ANKFY1: variants seen among roughly 807,000 people sequenced by gnomAD.
The protein encoded by ANKFY1 is ankyrin repeat and FYVE domain-containing protein 1.
In ANKFY1, 47 loss-of-function variants were observed where a neutral mutation model predicts 128.3. That is an observed-to-expected ratio of 0.37 (90% confidence interval 0.29 to 0.47). The LOEUF is 0.47. Ranked by LOEUF, ANKFY1 falls within the 20% of genes least tolerant of loss-of-function variation. ANKFY1 has a pLI of 1.00. For missense variants in ANKFY1, 1,222 were observed against 1,510.6 expected, an observed-to-expected ratio of 0.81 and a Z score of 3.17; for synonymous variants, 553 against 601.6, an observed-to-expected ratio of 0.92 and a Z score of 1.18.
intron 2 of ANKFY1, among the ~76,000 whole-genome samples, chr17:4,238,678 T>C (rs572753384): frequency 2.6e-5 from 4 of 151,808 alleles, no homozygotes; most frequent in African/African-American, 9.7e-5. Flanking sequence ...TTCACCGTGT[T>C]GGTCAGGCTA....
chr17:4,209,728 G>A, intron 5 of ANKFY1, 96 bp downstream of exon 5: 2 of 1,384,558 alleles, frequency 1.4e-6, no homozygotes, highest in Non-Finnish European at 2.0e-6. Flanking sequence ...AGAAAACCAG[G>A]TGCCAGAGAG....
chr17:4,180,607 CA>C (rs1284646167), intron 16 of ANKFY1, among the ~76,000 whole-genome samples: 6 of 143,184 alleles, frequency 4.2e-5, no homozygotes, highest in Admixed American at 7.0e-5. Context: ...ACTAAAAATA[CA>C]AAAAAAAAAT....
intron 10 of ANKFY1, among the ~76,000 whole-genome samples, chr17:4,190,248 C>T (rs2059693817): frequency 6.6e-6 from 1 of 152,068 alleles, no homozygotes; most frequent in African/African-American, 2.4e-5. Flanking sequence ...TGAGATCAGC[C>T]CGGCCGACAT....
At chr17:4,211,921 AAC>A (rs869240423) in intron 4 of ANKFY1, among the ~76,000 whole-genome samples, 2 of 17,442 alleles carry the variant, frequency 1.1e-4, no homozygotes, top group Non-Finnish European at 2.0e-3. Context: ...CAAACAAACA[AAC>A]AAAAAACATC....
Position 4,178,709 on chromosome 17 carries a change from T to G in ANKFY1, c.2598+148A>C. 1 of 783,200 alleles carries G rather than the reference T, an allele frequency of 1.3e-6. No individual in the cohort carries two copies. The highest frequency in any genetic ancestry group is 2.1e-6 in the Non-Finnish European group (1 of 479,566). The allele number at this position is 783,200 out of a possible 1,614,324, so 48.5% of individuals were successfully genotyped here. ...GATCTCATCCTGCACGGATGGGACA[T>G]CTCAACAGCCACATCTTAGGACAGG... On this transcript the variant is annotated intron_variant, in intron 18 of 24. Coordinates refer to ENST00000341657, the MANE Select transcript of ANKFY1 (RefSeq NM_001330063.2). This position sits in a 1 kb window ranked among gnomAD's most constrained non-coding sequence, Gnocchi z 4.1.
At chr17:4,225,633 C>T (rs992268087) in intron 3 of ANKFY1, among the ~76,000 whole-genome samples, 2 of 151,988 alleles carry the variant, frequency 1.3e-5, no homozygotes, top group Admixed American at 6.6e-5. Flanking sequence ...ACAACAACGA[C>T]CTAAAGATTT....
At position 4,183,214 on chromosome 17, in the gene ANKFY1, C is replaced by T. The variant is rs143101960; in HGVS notation, c.1952+184G>A. On this transcript the variant is annotated intron_variant, in intron 14 of 24. Transcript: ENST00000341657. Reference sequence around the variant, plus strand: ...AAGAGCAAAGGACAGTTCCTTTCCGCCATTACAATCAAGTCTTTTGATGAT... The same window carrying T: ...AAGAGCAAAGGACAGTTCCTTTCCGTCATTACAATCAAGTCTTTTGATGAT... Among the ~76,000 whole-genome samples the T allele has an allele frequency of 1.1e-3, 169 of 152,320 alleles. 1 individual carries two copies. Among genetic ancestry groups the T allele is most frequent in the Middle Eastern group, 6.8e-3 (2 of 294 alleles).
At chr17:4,205,038 A>G (rs905525370) in intron 7 of ANKFY1, among the ~76,000 whole-genome samples, 1 of 152,246 alleles carries the variant, frequency 6.6e-6, no homozygotes, top group African/African-American at 2.4e-5. Context: ...CCACATCTTG[A>G]TGTAACTACA....
chr17:4,242,402 C>T lies in ANKFY1; in HGVS notation c.57G>A (p.Glu19=). ...LEKHLMLLRQ[E]YVKLQKKLAE... is the part of the protein sequence containing the mutation. ...CCAGCTTCTTCTGCAGCTTGACATA[C>T]TCCTGCCGCAGAAGCATCAAGTGCT... Residue 19 remains glutamate, a synonymous_variant, in exon 2 of 25, where the codon GAG becomes GAA. Transcript: ENST00000341657. The T allele has an allele frequency of 6.3e-7, 1 of 1,587,568 alleles. No individual in the cohort carries two copies. Among genetic ancestry groups the T allele is most frequent in the Non-Finnish European group, 8.6e-7 (1 of 1,169,552 alleles).
At chr17:4,219,318 T>G (rs1003994526) in intron 3 of ANKFY1, among the ~76,000 whole-genome samples, 9 of 152,126 alleles carry the variant, frequency 5.9e-5, no homozygotes, top group African/African-American at 1.9e-4. Context: ...CGCAAGTAAT[T>G]CTCACGGTGT....
intron 1 of ANKFY1, among the ~76,000 whole-genome samples, chr17:4,261,226 C>T (rs1260455603): frequency 6.6e-6 from 1 of 152,188 alleles, no homozygotes; most frequent in African/African-American, 2.4e-5. Flanking sequence ...TGGTGGCTCA[C>T]ACCGGCAATC....
chr17:4,217,249 C>T, intron 3 of ANKFY1, 131 bp from the exon 4 acceptor site: 1 of 1,051,670 alleles, frequency 9.5e-7, no homozygotes, highest in Non-Finnish European at 1.3e-6. Flanking sequence ...ATTACACAGT[C>T]ATTAAAAATG....
At chr17:4,222,732 G>T (rs76007738) in intron 3 of ANKFY1, 9,933 of 926,540 alleles carry the variant, frequency 0.011, 258 homozygotes, top group African/African-American at 0.085. Flanking sequence ...GGTTTCTTGT[G>T]CAGTAATATT....
intron 1 of ANKFY1, among the ~76,000 whole-genome samples, chr17:4,252,964 A>G (rs891337068): frequency 1.3e-5 from 2 of 152,202 alleles, no homozygotes; most frequent in African/African-American, 4.8e-5. Flanking sequence ...ATGACCCCAT[A>G]TGAAAGTGTA....
At chr17:4,259,665 C>T (rs1289999794) in intron 1 of ANKFY1, among the ~76,000 whole-genome samples, 1 of 152,178 alleles carries the variant, frequency 6.6e-6, no homozygotes, top group Non-Finnish European at 1.5e-5. Context: ...TTAGGTTATG[C>T]AGAGTATAAT....
intron 2 of ANKFY1, among the ~76,000 whole-genome samples, chr17:4,236,740 T>C (rs181507319): frequency 6.6e-6 from 1 of 152,096 alleles, no homozygotes; most frequent in East Asian, 1.9e-4. Context: ...TTTAAAATTA[T>C]TTACTAGGTT....
At position 4,181,414 on chromosome 17, in the gene ANKFY1, A is replaced by G. The variant is rs764882416; in HGVS notation, c.2122-42T>C. The G allele has an allele frequency of 2.1e-6, 3 of 1,447,942 alleles. No homozygotes were observed. In the South Asian group the frequency reaches 3.4e-5, roughly 17 times the overall value. 89.7% of individuals were successfully genotyped at this position (1,447,942 alleles called of 1,614,324 possible). A position where few individuals can be genotyped will look rare whatever the true frequency, so the allele number is the denominator to read the frequency against. On this transcript the variant is annotated intron_variant, in intron 15 of 24. Transcript: ENST00000341657. The surrounding 1 kb of genome is among the most constrained non-coding windows in gnomAD (Gnocchi z 4.9). ...GTTATTCACAAACACTGCTGAGCAA[A>G]GGCAAACAGTTTTATTACCAAGTCT...
intron 19 of ANKFY1, among the ~76,000 whole-genome samples, chr17:4,176,862 C>A (rs867967665): frequency 6.6e-6 from 1 of 152,204 alleles, no homozygotes; most frequent in African/African-American, 2.4e-5. Flanking sequence ...ATCTCCACTT[C>A]CTCGGTGCTC....
At chr17:4,201,467 G>A (rs944997064) in intron 7 of ANKFY1, among the ~76,000 whole-genome samples, 3 of 136,984 alleles carry the variant, frequency 2.2e-5, no homozygotes, top group Middle Eastern at 3.6e-3. Context: ...ATGCTAGATT[G>A]GCCTGTGTCT....
Sources: allele counts gnomAD v4.1 joint callset (sites outside exome capture counted in the v4.1 genomes callset), GRCh38; gene constraint gnomAD v4.1.1; non-coding constraint Gnocchi (gnomAD v3.1); transcripts MANE v1.5; gene names NCBI Gene and HGNC (gene_info 2026-07-23, HGNC 2026-07-21).